Variants in PPP2R2B observed in about 807,000 individuals in gnomAD.
PPP2R2B encodes the protein serine/threonine-protein phosphatase 2A 55 kDa regulatory subunit B beta isoform.
In PPP2R2B, 5 loss-of-function variants were observed where a neutral mutation model predicts 46.0. The ratio of observed to expected loss-of-function variants is 0.11; its 90% CI spans 0.06 to 0.23. The LOEUF is 0.23. Ranked by LOEUF, PPP2R2B falls within the 10% of genes least tolerant of loss-of-function variation. The pLI is 1.00. For missense variants in PPP2R2B, 367 were observed against 575.0 expected (o/e 0.64, Z 3.70); for synonymous variants, 215 against 206.7 (o/e 1.04, Z -0.34).
chr5:147,039,790 T>C (rs1203495041), intron 1 of PPP2R2B, among the ~76,000 whole-genome samples: 1 of 152,178 alleles, frequency 6.6e-6, no homozygotes, highest in Non-Finnish European at 1.5e-5. Context: ...CCCACCAGAA[T>C]GTAAGATGAG....
At chr5:146,864,396 CAAA>C (rs34780019) in intron 2 of PPP2R2B, among the ~76,000 whole-genome samples, 1 of 31,306 alleles carries the variant, frequency 3.2e-5, no homozygotes, top group Non-Finnish European at 6.3e-5. Context: ...TAGTATTAAC[CAAA>C]AAAAAAAAAA....
chr5:146,780,638 T>C (rs1432347523), intron 2 of PPP2R2B, among the ~76,000 whole-genome samples: 1 of 152,084 alleles, frequency 6.6e-6, no homozygotes, highest in Non-Finnish European at 1.5e-5. Flanking sequence ...TAGAATAGAG[T>C]CTGAAATACC....
chr5:146,601,774 G>A (rs546232395), intron 7 of PPP2R2B, among the ~76,000 whole-genome samples: 3 of 152,186 alleles, frequency 2.0e-5, no homozygotes, highest in Non-Finnish European at 4.4e-5. Flanking sequence ...TTGCATAGTG[G>A]TGAGGTCTGG....
At chr5:146,956,220 T>A (rs927295471) in intron 1 of PPP2R2B, among the ~76,000 whole-genome samples, 1 of 125,070 alleles carries the variant, frequency 8.0e-6, no homozygotes, top group Non-Finnish European at 1.8e-5. Flanking sequence ...TTTTCTCCCA[T>A]CAAATTTCCA....
intron 1 of PPP2R2B, among the ~76,000 whole-genome samples, chr5:147,032,303 A>G (rs1288126188): frequency 6.6e-6 from 1 of 152,236 alleles, no homozygotes; most frequent in Admixed American, 6.5e-5. Flanking sequence ...AAAATGCTCA[A>G]CATCACTAAT....
intron 8 of PPP2R2B, among the ~76,000 whole-genome samples, chr5:146,593,578 G>T (rs992537554): frequency 1.4e-4 from 22 of 152,194 alleles, no homozygotes; most frequent in African/African-American, 4.3e-4. Context: ...CTTGTCGGGG[G>T]TGTATTATTT....
intron 2 of PPP2R2B, among the ~76,000 whole-genome samples, chr5:146,811,727 A>AT (rs1163716544): frequency 0.043 from 5,254 of 121,228 alleles, 164 homozygotes; most frequent in African/African-American, 0.087. Context: ...CGCCCGGCTA[A>AT]TTTTTTTTTT....
At position 146,584,579 on chromosome 5, in the gene PPP2R2B, C is replaced by A. The variant is rs1474408634; in HGVS notation, c.*5368G>T. ...CTAACCCTTTTGAGTCTGTTTCTCG[C>A]TATAAAAATGGAATAATACATCTAC... On this transcript the variant is annotated 3_prime_UTR_variant, in exon 10 of 10. Transcript: ENST00000394411. 6.6e-6 allele frequency: 1 copy of A among 152,134 alleles called. No individual in the cohort carries two copies. The highest frequency in any genetic ancestry group is 2.4e-5 in the African/African-American group (1 of 41,408). 9.4% of individuals were successfully genotyped at this position (152,134 alleles called of 1,614,324 possible).
intron 1 of PPP2R2B, among the ~76,000 whole-genome samples, chr5:147,050,279 C>T (rs1317219909): frequency 6.6e-6 from 1 of 152,140 alleles, no homozygotes; most frequent in Non-Finnish European, 1.5e-5. Flanking sequence ...CAGACAAATG[C>T]CGTGTGCACT....
At chr5:146,863,240 C>A (rs1761113758) in intron 2 of PPP2R2B, among the ~76,000 whole-genome samples, 1 of 152,104 alleles carries the variant, frequency 6.6e-6, no homozygotes, top group Admixed American at 6.5e-5. Context: ...CAGTTTCACC[C>A]AGGCTAATCC....
chr5:146,958,981 C>T (rs111805330), intron 1 of PPP2R2B, among the ~76,000 whole-genome samples: 18 of 152,178 alleles, frequency 1.2e-4, no homozygotes, highest in African/African-American at 4.1e-4. Context: ...TCAAACAATT[C>T]AAAAAAGCTG....
At chr5:147,009,813 CCTAA>C in intron 1 of PPP2R2B, among the ~76,000 whole-genome samples, 1 of 151,222 alleles carries the variant, frequency 6.6e-6, no homozygotes, top group East Asian at 1.9e-4. Flanking sequence ...GTGGTTATTT[CCTAA>C]CTTTCTGAGG....
At chr5:146,657,615 T>C (rs1220679472) in intron 5 of PPP2R2B, among the ~76,000 whole-genome samples, 1 of 152,166 alleles carries the variant, frequency 6.6e-6, no homozygotes, top group Non-Finnish European at 1.5e-5. Context: ...AAGAAAGATA[T>C]AGAAAATGTA....
In PPP2R2B at chr5:147,074,805, T is replaced by C. The variant is rs531363905; in HGVS notation, c.50+6254A>G. 1.4e-4 allele frequency among the ~76,000 whole-genome samples: 22 copies of C among 152,324 alleles called. No individual in the cohort carries two copies. The South Asian group carries it at 4.3e-3, about 30-fold the overall frequency. On this transcript the variant is annotated intron_variant, in intron 2 of 10. Transcript: ENST00000394413. ...CACCTCACATCGACAGTCAAATTGA[T>C]GTTTTTCTCTCATTAGAAAGCAGAA...
intron 2 of PPP2R2B, among the ~76,000 whole-genome samples, chr5:146,818,324 G>T (rs1280106435): frequency 2.7e-5 from 4 of 150,212 alleles, no homozygotes; most frequent in Admixed American, 1.3e-4. Flanking sequence ...AAATTGCAAA[G>T]ACATTCATCT....
At chr5:146,985,312 C>T (rs750595000) in intron 1 of PPP2R2B, among the ~76,000 whole-genome samples, 8 of 152,136 alleles carry the variant, frequency 5.3e-5, no homozygotes, top group Non-Finnish European at 1.0e-4. Context: ...AGCCACTGCA[C>T]CTGGCCTTAG....
intron 1 of PPP2R2B, among the ~76,000 whole-genome samples, chr5:146,950,630 C>G (rs932618598): frequency 6.6e-6 from 1 of 151,966 alleles, no homozygotes; most frequent in South Asian, 2.1e-4. Context: ...AATAAATATA[C>G]AGCCAAAGAG....
chr5:146,812,121 C>A (rs529891427), intron 2 of PPP2R2B, among the ~76,000 whole-genome samples: 3 of 151,900 alleles, frequency 2.0e-5, no homozygotes, highest in African/African-American at 7.3e-5. Context: ...AGTTCTGTGA[C>A]GTGTGGAAGT....
chr5:146,920,992 G>A (rs926481894), intron 1 of PPP2R2B, among the ~76,000 whole-genome samples: 2 of 152,190 alleles, frequency 1.3e-5, no homozygotes, highest in Admixed American at 6.5e-5. Flanking sequence ...ATTTCTGCCT[G>A]GGCAGACCAA....
Sources: allele counts gnomAD v4.1 joint callset (sites outside exome capture counted in the v4.1 genomes callset), GRCh38; gene constraint gnomAD v4.1.1; transcripts MANE v1.5; gene names NCBI Gene and HGNC (gene_info 2026-07-23, HGNC 2026-07-21).